The following GALNT13 variants were observed in gnomAD, a reference collection of about 807,000 sequenced individuals.
GALNT13 encodes the protein UDP-GalNAc:polypeptide N-acetylgalactosaminyltransferase 13.
Under a neutral mutation model 64.2 loss-of-function variants are expected in GALNT13, and 28 were observed. The ratio of observed to expected loss-of-function variants is 0.44; its 90% CI spans 0.32 to 0.60. The LOEUF (loss-of-function observed/expected upper bound fraction) is 0.60. GALNT13 is among the 20% of genes least tolerant of loss of function. The pLI, the probability that GALNT13 is intolerant of heterozygous loss-of-function variation, is 0.05. For missense variants in GALNT13, 577 were observed against 669.8 expected (o/e 0.86, Z 1.53); for synonymous variants, 214 against 224.6 (o/e 0.95, Z 0.42).
the GALNT13 span, among the ~76,000 whole-genome samples, chr2:153,438,534 C>A: frequency 6.6e-6 from 1 of 152,198 alleles, no homozygotes; most frequent in East Asian, 1.9e-4. Context: ...TCTTTTTATT[C>A]TTTTTTCTCT....
chr2:153,396,236 A>G, the GALNT13 span, among the ~76,000 whole-genome samples: 1 of 152,100 alleles, frequency 6.6e-6, no homozygotes, highest in African/African-American at 2.4e-5. Flanking sequence ...GTGCTCTGCT[A>G]GGCACAGGGA....
At chr2:153,257,194 G>A in the GALNT13 span, among the ~76,000 whole-genome samples, 984 of 152,264 alleles carry the variant, frequency 6.5e-3, 9 homozygotes, top group African/African-American at 0.02. Context: ...CGCAGTATTC[G>A]GGTGGGAGTG....
At chr2:153,280,094 AG>A in the GALNT13 span, among the ~76,000 whole-genome samples, 1 of 151,870 alleles carries the variant, frequency 6.6e-6, no homozygotes, top group Non-Finnish European at 1.5e-5. Context: ...TTCAGTCTTG[AG>A]GGGGTTGTGT....
chr2:153,566,459 A>G, the GALNT13 span, among the ~76,000 whole-genome samples: 1 of 143,014 alleles, frequency 7.0e-6, no homozygotes, highest in African/African-American at 2.6e-5. Flanking sequence ...GGTTCATGCC[A>G]TTCTCCTGCC....
At chr2:154,147,951 G>T (rs1683721816) in intron 4 of GALNT13, among the ~76,000 whole-genome samples, 1 of 150,730 alleles carries the variant, frequency 6.6e-6, no homozygotes, top group African/African-American at 2.4e-5. Flanking sequence ...AAGTTTTAGG[G>T]TACATGTACA....
intron 9 of GALNT13, among the ~76,000 whole-genome samples, chr2:154,329,383 G>A (rs1043899016): frequency 1.5e-4 from 23 of 152,196 alleles, no homozygotes; most frequent in Admixed American, 3.9e-4. Context: ...GATTACAGGC[G>A]TAAGCCACCA....
chr2:153,687,396 G>A, the GALNT13 span, among the ~76,000 whole-genome samples: 1 of 151,846 alleles, frequency 6.6e-6, no homozygotes, highest in African/African-American at 2.4e-5. Flanking sequence ...CAGGAATTAA[G>A]CCATTTCTTC....
chr2:153,660,798 A>T, the GALNT13 span, among the ~76,000 whole-genome samples: 1 of 151,954 alleles, frequency 6.6e-6, no homozygotes, highest in African/African-American at 2.4e-5. Flanking sequence ...AAAGAGCAAG[A>T]GGTAGAGCCT....
At chr2:153,342,340 G>A in the GALNT13 span, among the ~76,000 whole-genome samples, 1 of 152,148 alleles carries the variant, frequency 6.6e-6, no homozygotes, top group African/African-American at 2.4e-5. Context: ...TTGAGTTTGT[G>A]AATAATATTA....
intron 8 of GALNT13, among the ~76,000 whole-genome samples, chr2:154,267,501 G>A (rs1162739417): frequency 3.3e-5 from 5 of 152,026 alleles, no homozygotes; most frequent in Non-Finnish European, 7.4e-5. Flanking sequence ...TTAGCTGGGC[G>A]TGGTCGTGGG....
the GALNT13 span, among the ~76,000 whole-genome samples, chr2:153,496,427 T>C: frequency 6.6e-6 from 1 of 152,218 alleles, no homozygotes; most frequent in Non-Finnish European, 1.5e-5. Flanking sequence ...AGTTTTGAAT[T>C]GCACTGCATA....
the GALNT13 span, among the ~76,000 whole-genome samples, chr2:153,150,968 T>C: frequency 6.6e-6 from 1 of 152,066 alleles, no homozygotes; most frequent in African/African-American, 2.4e-5. Flanking sequence ...TCTTTTTTGG[T>C]TCCATATGAA....
the GALNT13 span, among the ~76,000 whole-genome samples, chr2:153,776,609 T>G: frequency 1.4e-4 from 21 of 152,322 alleles, no homozygotes; most frequent in Admixed American, 3.9e-4. Flanking sequence ...TCATTCCTGA[T>G]GCTATCTACC....
chr2:153,145,676 C>T, the GALNT13 span, among the ~76,000 whole-genome samples: 1 of 151,816 alleles, frequency 6.6e-6, no homozygotes, highest in Non-Finnish European at 1.5e-5. Context: ...AGATGGCTCC[C>T]AGTGCAGTTA....
At chr2:153,379,302 CAG>C in the GALNT13 span, among the ~76,000 whole-genome samples, 3 of 152,168 alleles carry the variant, frequency 2.0e-5, no homozygotes, top group East Asian at 5.8e-4. Flanking sequence ...AAGTCTATGA[CAG>C]AGGTTTTTTA....
At chr2:153,069,412 G>A in the GALNT13 span, among the ~76,000 whole-genome samples, 1 of 152,262 alleles carries the variant, frequency 6.6e-6, no homozygotes, top group South Asian at 2.1e-4. Context: ...TGAAAGGGTT[G>A]GAGTACATCC....
At chr2:153,158,059 C>T in the GALNT13 span, among the ~76,000 whole-genome samples, 1 of 152,078 alleles carries the variant, frequency 6.6e-6, no homozygotes, top group Non-Finnish European at 1.5e-5. Context: ...ATTTCCTGGA[C>T]AGCTCAGTTT....
At chr2:153,321,223 T>TG in the GALNT13 span, among the ~76,000 whole-genome samples, 2 of 152,232 alleles carry the variant, frequency 1.3e-5, no homozygotes, top group African/African-American at 4.8e-5. Context: ...TCATCACAAA[T>TG]GAACAATGTC....
the GALNT13 span, among the ~76,000 whole-genome samples, chr2:153,331,436 G>A: frequency 4.4e-5 from 6 of 135,086 alleles, no homozygotes; most frequent in African/African-American, 1.5e-4. Context: ...TAATAGGATG[G>A]AGATATATAT....
Sources: gnomAD v4.1 joint callset for allele counts (sites outside exome capture counted in the v4.1 genomes callset) on GRCh38, gnomAD v4.1.1 for gene constraint, MANE v1.5 for transcripts, NCBI Gene and HGNC (gene_info 2026-07-23, HGNC 2026-07-21) for gene names.